ROR1: variants seen among roughly 807,000 people sequenced by gnomAD.
ROR1 encodes ROR family WNT receptor 1.
A neutral mutation model predicts 78.8 loss-of-function variants in ROR1; 19 were observed. The ratio of observed to expected loss-of-function variants is 0.24; its 90% confidence interval spans 0.17 to 0.35. The LOEUF (loss-of-function observed/expected upper bound fraction) is 0.35, where lower values mean the gene tolerates loss of function less well. ROR1 is among the 10% of genes least tolerant of loss of function. ROR1 has a pLI of 1.00. For synonymous variants in ROR1, 386 were observed against 433.6 expected, an observed-to-expected ratio of 0.89 and a Z score of 1.36; for missense variants, 917 against 1,177.8, an observed-to-expected ratio of 0.78 and a Z score of 3.24.
chr1:64,027,834 C>A (rs753728968), intron 2 of ROR1, among the ~76,000 whole-genome samples: 1 of 151,944 alleles, frequency 6.6e-6, no homozygotes, highest in African/African-American at 2.4e-5. Context: ...ATTACAGGCA[C>A]CTGCCACCAC....
chr1:64,015,477 T>C (rs1173116217), intron 2 of ROR1, among the ~76,000 whole-genome samples: 1 of 151,942 alleles, frequency 6.6e-6, no homozygotes, highest in African/African-American at 2.4e-5. Flanking sequence ...AGCTCAGGAG[T>C]GGTTTGCTCC....
intron 4 of ROR1, among the ~76,000 whole-genome samples, chr1:64,074,424 G>A (rs752062272): frequency 1.3e-5 from 2 of 152,194 alleles, no homozygotes; most frequent in Non-Finnish European, 2.9e-5. Flanking sequence ...GTTGATGTGG[G>A]TGGGTGGGCT....
intron 2 of ROR1, among the ~76,000 whole-genome samples, chr1:64,037,815 C>T (rs927692606): frequency 6.6e-6 from 1 of 152,102 alleles, no homozygotes; most frequent in Non-Finnish European, 1.5e-5. Flanking sequence ...GTGGAGTCCT[C>T]AGCAGATATG....
chr1:64,089,367 G>T (rs961107365), intron 4 of ROR1, among the ~76,000 whole-genome samples: 1 of 151,948 alleles, frequency 6.6e-6, no homozygotes. Flanking sequence ...ATGCCACAAT[G>T]CCCAGCTAAT....
intron 1 of ROR1, among the ~76,000 whole-genome samples, chr1:63,991,422 T>C (rs1182974241): frequency 6.6e-6 from 1 of 152,252 alleles, no homozygotes; most frequent in Non-Finnish European, 1.5e-5. Context: ...AGATTGCTGA[T>C]ATGCAGATCT....
intron 1 of ROR1, among the ~76,000 whole-genome samples, chr1:63,956,042 C>T (rs901204304): frequency 8.5e-5 from 13 of 152,122 alleles, no homozygotes; most frequent in African/African-American, 2.7e-4. Flanking sequence ...GGGGATGAGG[C>T]CCATGTAGGT....
In ROR1 at chr1:63,855,654, C is replaced by CT. The variant is rs541445354; in HGVS notation, c.91+81159dup. 4.3e-3 allele frequency among the ~76,000 whole-genome samples: 614 copies of CT among 144,108 alleles called. 3 individuals carry two copies. Among genetic ancestry groups the CT allele is most frequent in the East Asian group, 8.4e-3 (42 of 4,978 alleles). The allele number at this position is 144,108 out of a possible 152,430, so 94.5% of individuals were successfully genotyped here. A position where few individuals can be genotyped will look rare whatever the true frequency, so the allele number is the denominator to read the frequency against. On this transcript the variant is annotated intron_variant, in intron 1 of 8. Transcript: ENST00000371079. ...TCACCTCTAGAAGTTTGATGTAGCT[C>CT]TTTTTTTTTTTTTGAGACGTAGTCT...
chr1:63,916,392 A>G (rs74077498), intron 1 of ROR1, among the ~76,000 whole-genome samples: 5,798 of 152,264 alleles, frequency 0.038, 369 homozygotes, highest in African/African-American at 0.13. Context: ...GGGATTGAGG[A>G]AAAGCCTAAT....
chr1:64,011,876 C>T (rs956771413), intron 2 of ROR1, among the ~76,000 whole-genome samples: 2 of 152,144 alleles, frequency 1.3e-5, no homozygotes, highest in African/African-American at 4.8e-5. Flanking sequence ...ATAAACCAGG[C>T]AAAGGCCCCT....
At chr1:64,003,472 A>C (rs1646403748) in intron 1 of ROR1, among the ~76,000 whole-genome samples, 1 of 152,198 alleles carries the variant, frequency 6.6e-6, no homozygotes, top group South Asian at 2.1e-4. Context: ...TTGCATCAGA[A>C]ATCCAAATTT....
intron 4 of ROR1, among the ~76,000 whole-genome samples, chr1:64,132,798 G>A (rs542308507): frequency 6.8e-6 from 1 of 147,838 alleles, no homozygotes; most frequent in African/African-American, 2.5e-5. Context: ...AGAGAGATAG[G>A]CATTTTAACT....
intron 1 of ROR1, among the ~76,000 whole-genome samples, chr1:64,006,983 C>CA (rs1646432825): frequency 1.3e-5 from 2 of 151,320 alleles, no homozygotes; most frequent in South Asian, 4.2e-4. Context: ...TATGGAAATA[C>CA]GAAAAATGTG....
chr1:63,918,164 C>G (rs1429651198), intron 1 of ROR1, among the ~76,000 whole-genome samples: 1 of 152,334 alleles, frequency 6.6e-6, no homozygotes, highest in East Asian at 1.9e-4. Context: ...GTGCCTGGAA[C>G]AGGAGAAGTT....
intron 4 of ROR1, among the ~76,000 whole-genome samples, chr1:64,121,529 G>A (rs2100688521): frequency 6.6e-6 from 1 of 152,334 alleles, no homozygotes; most frequent in East Asian, 1.9e-4. Context: ...GTTCAATGTA[G>A]TAGACCCAGC....
chr1:63,999,701 T>C (rs1447274993), intron 1 of ROR1, among the ~76,000 whole-genome samples: 2 of 152,176 alleles, frequency 1.3e-5, no homozygotes, highest in African/African-American at 4.8e-5. Context: ...GATGGATGGA[T>C]GGATGGATAA....
At chr1:63,915,455 A>G (rs1259894321) in intron 1 of ROR1, among the ~76,000 whole-genome samples, 1 of 152,186 alleles carries the variant, frequency 6.6e-6, no homozygotes, top group Admixed American at 6.5e-5. Context: ...CAGGGTTTTT[A>G]TAGCAGACTT....
chr1:64,005,266 G>A (rs1570045790), intron 1 of ROR1, among the ~76,000 whole-genome samples: 1 of 152,138 alleles, frequency 6.6e-6, no homozygotes, highest in Non-Finnish European at 1.5e-5. Flanking sequence ...GGAGTCTTTT[G>A]GTCCATTAGT....
intron 4 of ROR1, among the ~76,000 whole-genome samples, chr1:64,099,773 T>C (rs1295782820): frequency 6.6e-6 from 1 of 152,184 alleles, no homozygotes; most frequent in Non-Finnish European, 1.5e-5. Context: ...AAAGATCAAA[T>C]AGGCCGGGTG....
intron 4 of ROR1, chr1:64,111,987 C>A (rs1648117201): frequency 6.6e-6 from 1 of 152,176 alleles, no homozygotes; most frequent in African/African-American, 2.4e-5. Flanking sequence ...GCCTCACCTT[C>A]TTGGGGAGGC....
Sources: gnomAD v4.1 joint callset for allele counts (sites outside exome capture counted in the v4.1 genomes callset) on GRCh38, gnomAD v4.1.1 for gene constraint, MANE v1.5 for transcripts, NCBI Gene and HGNC (gene_info 2026-07-23, HGNC 2026-07-21) for gene names.